Variants in DGLUCY observed in about 807,000 individuals in gnomAD.
The protein encoded by DGLUCY is D-glutamate cyclase.
In DGLUCY, 58 loss-of-function variants were observed where a neutral mutation model predicts 58.5. The observed-to-expected ratio is 0.99, with a 90% confidence interval of 0.80 to 1.23. The LOEUF is 1.23. DGLUCY is among the 50% of genes most tolerant of loss of function. The pLI, the probability that DGLUCY is intolerant of heterozygous loss-of-function variation, is 0.00. For synonymous variants in DGLUCY, 325 were observed against 314.1 expected (o/e 1.03, Z -0.37); for missense variants, 779 against 784.7 (o/e 0.99, Z 0.09).
chr14:91,115,335 A>G (rs1297063025), intron 1 of DGLUCY: 1 of 149,086 alleles, frequency 6.7e-6, no homozygotes, highest in African/African-American at 2.5e-5. Flanking sequence ...AAGGGGAAGG[A>G]GGTGATGGGT....
chr14:91,168,143 A>C (rs887276163), intron 4 of DGLUCY, among the ~76,000 whole-genome samples: 3 of 151,558 alleles, frequency 2.0e-5, no homozygotes, highest in Non-Finnish European at 4.4e-5. Context: ...AGCGGTGCAC[A>C]CCTGTGGTCC....
Position 91,196,479 on chromosome 14 carries a change from G to A in DGLUCY, c.1295+5G>A, listed in dbSNP as rs572137991. ...TGGGGACCCGCAGACACCTAGGTAC[G>A]TATGTCGCATCCCAGTTTAAGTGGC... On this transcript the variant is annotated splice_donor_5th_base_variant and intron_variant, in intron 10 of 13. Coordinates refer to ENST00000256324, the MANE Select transcript of DGLUCY (RefSeq NM_001102368.3). 17 of 1,611,740 alleles carry A rather than the reference G, an allele frequency of 1.1e-5. No homozygotes were observed. The highest frequency in any genetic ancestry group is 5.3e-5 in the African/African-American group (4 of 74,850).
At chr14:91,085,562 TG>T (rs1359562260) in intron 1 of DGLUCY, among the ~76,000 whole-genome samples, 50 of 149,564 alleles carry the variant, frequency 3.3e-4, no homozygotes, top group African/African-American at 1.2e-3. Context: ...GTTTTTTTTT[TG>T]TTTTTTTTTT....
chr14:91,156,314 A>G (rs2047619437), intron 1 of DGLUCY, among the ~76,000 whole-genome samples: 1 of 152,012 alleles, frequency 6.6e-6, no homozygotes. Context: ...GGGTTTTGTC[A>G]TGTTGCCTAG....
chr14:91,064,622 C>CAAAAAAAA (rs35830145), intron 1 of DGLUCY, among the ~76,000 whole-genome samples: 1 of 57,612 alleles, frequency 1.7e-5, no homozygotes, highest in African/African-American at 6.2e-5. Flanking sequence ...GACTCTGTCT[C>CAAAAAAAA]AAAAAAAAAA....
At chr14:91,061,844 AGAG>A (rs2043696416) in intron 1 of DGLUCY, among the ~76,000 whole-genome samples, 2 of 152,214 alleles carry the variant, frequency 1.3e-5, no homozygotes, top group East Asian at 1.9e-4. Flanking sequence ...TGAACTGAAA[AGAG>A]GAGAGAGATA....
intron 1 of DGLUCY, among the ~76,000 whole-genome samples, chr14:91,064,622 C>CAAAAAAAAAAAA (rs35830145): frequency 8.7e-5 from 5 of 57,608 alleles, no homozygotes; most frequent in Non-Finnish European, 1.4e-4. Context: ...GACTCTGTCT[C>CAAAAAAAAAAAA]AAAAAAAAAA....
upstream of DGLUCY, among the ~76,000 whole-genome samples, chr14:91,110,480 G>C (rs1356741978): frequency 6.0e-5 from 8 of 132,438 alleles, no homozygotes; most frequent in Non-Finnish European, 9.3e-5. Context: ...ACCCAGGCTT[G>C]AGTGCAGTGG....
At chr14:91,115,656 C>A (rs1372707137) in intron 1 of DGLUCY, among the ~76,000 whole-genome samples, 1 of 152,154 alleles carries the variant, frequency 6.6e-6, no homozygotes, top group Non-Finnish European at 1.5e-5. Context: ...GCCATCCATC[C>A]GGCCTGGCCT....
chr14:91,189,193 T>G, intron 9 of DGLUCY, 23 bp downstream of exon 9: 2 of 1,612,296 alleles, frequency 1.2e-6, no homozygotes, highest in Non-Finnish European at 1.7e-6. Flanking sequence ...ATGGGCTTGG[T>G]CCATTTCCCC....
intron 12 of DGLUCY, 124 bp from the exon 13 acceptor site, chr14:91,215,281 C>T: frequency 1.4e-6 from 2 of 1,453,454 alleles, no homozygotes; most frequent in Non-Finnish European, 1.8e-6. Context: ...CTAGCAAGCT[C>T]CCAGATGATA....
chr14:91,182,674 G>GTA (rs1360965133), intron 8 of DGLUCY, among the ~76,000 whole-genome samples: 1 of 152,152 alleles, frequency 6.6e-6, no homozygotes, highest in African/African-American at 2.4e-5. Context: ...TAGATTAGTT[G>GTA]TATACTGGAT....
intron 1 of DGLUCY, among the ~76,000 whole-genome samples, chr14:91,102,955 T>G (rs1227038402): frequency 6.6e-6 from 1 of 151,940 alleles, no homozygotes; most frequent in African/African-American, 2.4e-5. Flanking sequence ...AGAGATGGGA[T>G]TTCACCATGT....
chr14:91,174,853 G>C (rs1270103268), intron 6 of DGLUCY, among the ~76,000 whole-genome samples: 1 of 152,150 alleles, frequency 6.6e-6, no homozygotes, highest in Non-Finnish European at 1.5e-5. Flanking sequence ...AGGTGGAATG[G>C]AATTGGAGGG....
At chr14:91,129,590 A>C (rs1462821916) in intron 1 of DGLUCY, among the ~76,000 whole-genome samples, 4 of 152,154 alleles carry the variant, frequency 2.6e-5, no homozygotes, top group African/African-American at 9.6e-5. Context: ...AAAATTAAAA[A>C]AAAAAAAAGA....
rs2046257633 is a variant in DGLUCY at position 91,135,214 on chromosome 14, C to T, written c.-82+20931C>T. On this transcript the variant is annotated intron_variant, in intron 1 of 13. Coordinates refer to ENST00000256324, the MANE Select transcript of DGLUCY (RefSeq NM_001102368.3). ...GTGCTGGGATTACAGGCATGAGTCA[C>T]TGTGCCCTGCTGCCTTACACATTTT... Among the ~76,000 whole-genome samples, 2 of 152,208 alleles carry T rather than the reference C, an allele frequency of 1.3e-5. 1 individual carries two copies. Among genetic ancestry groups the T allele is most frequent in the South Asian group, 4.1e-4 (2 of 4,834 alleles).
At chr14:91,207,765 A>G (rs1036868349) in intron 12 of DGLUCY, among the ~76,000 whole-genome samples, 1 of 134,190 alleles carries the variant, frequency 7.5e-6, no homozygotes, top group Non-Finnish European at 1.6e-5. Flanking sequence ...TTTTTTTTTG[A>G]GATGGAGTTT....
intron 1 of DGLUCY, among the ~76,000 whole-genome samples, chr14:91,079,109 G>C (rs996136985): frequency 6.6e-6 from 1 of 151,656 alleles, no homozygotes; most frequent in East Asian, 1.9e-4. Flanking sequence ...TCACCATATT[G>C]GCCAGGCTGG....
chr14:91,181,166 C>T lies in DGLUCY; in HGVS notation c.731-20C>T, dbSNP rs749623060. The T allele has an allele frequency of 3.1e-6, 5 of 1,612,136 alleles. No individual in the cohort carries two copies. The highest frequency in any genetic ancestry group is 4.2e-6 in the Non-Finnish European group (5 of 1,178,760). ...CTTGATGAAGTGGCTGGGCTCAGAC[C>T]CTCCTGCTGTGTGTTTTAGAGACCC... On this transcript the variant is annotated intron_variant, in intron 7 of 13. Coordinates refer to ENST00000256324, the MANE Select transcript of DGLUCY (RefSeq NM_001102368.3).
Sources: gnomAD v4.1 joint callset for allele counts (sites outside exome capture counted in the v4.1 genomes callset) on GRCh38, gnomAD v4.1.1 for gene constraint, MANE v1.5 for transcripts, NCBI Gene and HGNC (gene_info 2026-07-23, HGNC 2026-07-21) for gene names.